Variants in KYNU observed in about 807,000 individuals in gnomAD.
The protein encoded by KYNU is L-kynurenine hydrolase.
KYNU carries 54 observed loss-of-function variants against 59.2 expected under a neutral mutation model. The ratio of observed to expected loss-of-function variants is 0.91; its 90% CI spans 0.73 to 1.14. The LOEUF is 1.14. Among genes scored for constraint, KYNU ranks in the 50% most tolerant of loss-of-function variants. KYNU has a pLI of 0.00. For synonymous variants in KYNU, 177 were observed against 192.0 expected (o/e 0.92, Z 0.65); for missense variants, 567 against 554.4 (o/e 1.02, Z -0.23).
At chr2:142,994,634 A>G (rs1307039850) in intron 10 of KYNU, among the ~76,000 whole-genome samples, 1 of 152,058 alleles carries the variant, frequency 6.6e-6, no homozygotes, top group Non-Finnish European at 1.5e-5. Flanking sequence ...ATGAAAATTC[A>G]TTTTAGCATG....
Position 143,042,328 on chromosome 2 carries a change from A to G in KYNU, c.*156A>G. 2 of 817,750 alleles carry G rather than the reference A, an allele frequency of 2.4e-6. No homozygotes were observed. The highest frequency in any genetic ancestry group is 3.4e-5 in the South Asian group (2 of 57,980). The allele number at this position is 817,750 out of a possible 1,614,324, so 50.7% of individuals were successfully genotyped here. On this transcript the variant is annotated 3_prime_UTR_variant, in exon 14 of 14. Coordinates refer to ENST00000264170, the MANE Select transcript of KYNU (RefSeq NM_003937.3). ...TACAGAAAATCTGATATAATTTTTC[A>G]GAGTCTGTGGCACTAAGGAGTCCAC...
chr2:142,929,007 C>CAAAAAAAAAAAAA (rs761809423), intron 4 of KYNU, among the ~76,000 whole-genome samples: 3 of 48,440 alleles, frequency 6.2e-5, no homozygotes, highest in Non-Finnish European at 1.0e-4. Context: ...CACCCTGTCT[C>CAAAAAAAAAAAAA]AAAAAAAAAA....
At chr2:142,994,818 T>C (rs1169166221) in intron 10 of KYNU, among the ~76,000 whole-genome samples, 3 of 152,118 alleles carry the variant, frequency 2.0e-5, no homozygotes, top group African/African-American at 7.2e-5. Flanking sequence ...ACTCTCAGCA[T>C]AATAGACAAA....
intron 4 of KYNU, among the ~76,000 whole-genome samples, chr2:142,939,255 T>C (rs1036961945): frequency 3.3e-5 from 5 of 152,186 alleles, no homozygotes; most frequent in South Asian, 4.1e-4. Context: ...TATACAAATT[T>C]CTATTGGTTT....
At chr2:143,031,334 C>G (rs1033811541) in intron 11 of KYNU, among the ~76,000 whole-genome samples, 1 of 152,104 alleles carries the variant, frequency 6.6e-6, no homozygotes, top group African/African-American at 2.4e-5. Flanking sequence ...GCTATACAGT[C>G]TCTGTGGCAA....
At chr2:142,990,847 T>A (rs1444869693) in intron 10 of KYNU, among the ~76,000 whole-genome samples, 1 of 151,882 alleles carries the variant, frequency 6.6e-6, no homozygotes, top group African/African-American at 2.4e-5. Flanking sequence ...TAAACAGTGA[T>A]GACATTTTAA....
intron 13 of KYNU, among the ~76,000 whole-genome samples, chr2:143,041,112 GAT>G (rs907597063): frequency 6.6e-6 from 1 of 151,914 alleles, no homozygotes; most frequent in Non-Finnish European, 1.5e-5. Flanking sequence ...TGTCAAAAAA[GAT>G]ATATATACAC....
rs1686807644 is a variant in KYNU at position 143,033,220 on chromosome 2, G to A, written c.956-16G>A. On this transcript the variant is annotated splice_polypyrimidine_tract_variant and intron_variant, in intron 11 of 13. Coordinates refer to ENST00000264170, the MANE Select transcript of KYNU (RefSeq NM_003937.3). ...AAGTTACCTTCTATGATAATGACATGATATTAATTTCTCAGAACTGCAGTT... is the reference window on the plus strand; with the variant it reads ...AAGTTACCTTCTATGATAATGACATAATATTAATTTCTCAGAACTGCAGTT... The A allele has an allele frequency of 4.5e-6, 7 of 1,546,956 alleles. No homozygotes were observed. The highest frequency in any genetic ancestry group is 1.1e-5 in the South Asian group (1 of 89,684).
intron 8 of KYNU, among the ~76,000 whole-genome samples, chr2:142,978,794 C>T (rs1370388745): frequency 2.0e-5 from 3 of 152,056 alleles, no homozygotes; most frequent in Admixed American, 6.6e-5. Flanking sequence ...AATATCTTAT[C>T]TTGTATAAGT....
At chr2:142,999,007 CAAAAAA>C (rs59742828) in intron 10 of KYNU, among the ~76,000 whole-genome samples, 9 of 63,490 alleles carry the variant, frequency 1.4e-4, no homozygotes, top group African/African-American at 4.3e-4. Flanking sequence ...GACTCCGTCT[CAAAAAA>C]AAAAAAAAAA....
At chr2:143,007,207 C>A (rs1248097219) in intron 10 of KYNU, among the ~76,000 whole-genome samples, 2 of 150,284 alleles carry the variant, frequency 1.3e-5, no homozygotes, top group Non-Finnish European at 2.9e-5. Flanking sequence ...CAGAGAAGTG[C>A]TTAAAGGAGC....
rs1687150036 is a variant in KYNU, at chr2:143,045,391, A to T, written c.*3219A>T. ...AAGAAAGACAATGGTAGCTTGATGG[A>T]AATAGCATTGAATCTATAAATTACT... On this transcript the variant is annotated 3_prime_UTR_variant, in exon 14 of 14. Transcript: ENST00000264170. 6.6e-6 allele frequency: 1 copy of T among 152,088 alleles called. No individual in the cohort carries two copies. The allele number at this position is 152,088 out of a possible 1,614,324, so 9.4% of individuals were successfully genotyped here.
chr2:142,890,020 G>A lies in KYNU; in HGVS notation c.169+4484G>A, dbSNP rs138395051. On this transcript the variant is annotated intron_variant, in intron 2 of 13. Coordinates refer to ENST00000264170, the MANE Select transcript of KYNU (RefSeq NM_003937.3). ...CTTTCATTTTCTATTCTTAGATGGT[G>A]CCTGAGATGTTATCAGAGAAAGGGG... 4.5e-3 allele frequency among the ~76,000 whole-genome samples: 679 copies of A among 151,900 alleles called. 3 individuals are homozygous for A. Among genetic ancestry groups the A allele is most frequent in the Non-Finnish European group, 6.8e-3 (464 of 67,966 alleles).
In KYNU at chr2:143,048,245, T is replaced by C. The variant is rs753171476; in HGVS notation, c.*6073T>C. 1.3e-5 allele frequency: 2 copies of C among 152,182 alleles called. No homozygotes were observed. The highest frequency in any genetic ancestry group is 2.9e-5 in the Non-Finnish European group (2 of 68,036). 9.4% of individuals were successfully genotyped at this position (152,182 alleles called of 1,614,324 possible). On this transcript the variant is annotated 3_prime_UTR_variant, in exon 14 of 14. Transcript: ENST00000264170. Reference sequence around the variant, plus strand: ...TATTGAGTCCGTTTTTTCTTTCTATTTGTGTGGAAATTATACACTTATTCT... The same window carrying C: ...TATTGAGTCCGTTTTTTCTTTCTATCTGTGTGGAAATTATACACTTATTCT...
At chr2:142,923,295 T>G (rs1037761580) in intron 3 of KYNU, among the ~76,000 whole-genome samples, 10 of 152,244 alleles carry the variant, frequency 6.6e-5, no homozygotes, top group Admixed American at 2.6e-4. Flanking sequence ...ATTTGCATTT[T>G]CATTTTCAAC....
rs1208359893 is a variant in KYNU at position 143,046,420 on chromosome 2, A to G, written c.*4248A>G. Reference sequence around the variant, plus strand: ...CATTTGTTTTAGGGAAGAGTCATAAACCATCTTTAAGTTCTCCTATGTTAC... The same window carrying G: ...CATTTGTTTTAGGGAAGAGTCATAAGCCATCTTTAAGTTCTCCTATGTTAC... On this transcript the variant is annotated 3_prime_UTR_variant, in exon 14 of 14. Coordinates refer to ENST00000264170, the MANE Select transcript of KYNU (RefSeq NM_003937.3). The G allele has an allele frequency of 1.3e-5, 2 of 152,076 alleles. No homozygotes were observed. The highest frequency in any genetic ancestry group is 2.9e-5 in the Non-Finnish European group (2 of 68,000). The allele number at this position is 152,076 out of a possible 1,614,324, so 9.4% of individuals were successfully genotyped here.
At chr2:142,979,267 T>A (rs905331049) in intron 8 of KYNU, among the ~76,000 whole-genome samples, 2 of 152,184 alleles carry the variant, frequency 1.3e-5, no homozygotes, top group Non-Finnish European at 2.9e-5. Flanking sequence ...TAAAATTGCA[T>A]CAGAAACAGA....
chr2:142,900,252 C>A (rs1682030513), intron 2 of KYNU, among the ~76,000 whole-genome samples: 1 of 152,154 alleles, frequency 6.6e-6, no homozygotes, highest in Non-Finnish European at 1.5e-5. Flanking sequence ...ACTGCTGGAT[C>A]CAGAGAGGTG....
chr2:142,995,763 C>T (rs1004810436), intron 10 of KYNU, among the ~76,000 whole-genome samples: 1 of 152,050 alleles, frequency 6.6e-6, no homozygotes, highest in Non-Finnish European at 1.5e-5. Flanking sequence ...CTGCTTTTGT[C>T]ACTTAGCCAT....
Sources: gnomAD v4.1 joint callset for allele counts (sites outside exome capture counted in the v4.1 genomes callset) on GRCh38, gnomAD v4.1.1 for gene constraint, MANE v1.5 for transcripts, NCBI Gene and HGNC (gene_info 2026-07-23, HGNC 2026-07-21) for gene names.